The following SLC27A1 variants were observed in gnomAD, a reference collection of about 807,000 sequenced individuals.
The protein encoded by SLC27A1 is long-chain fatty acid transport protein 1.
SLC27A1 carries 61 observed loss-of-function variants against 62.2 expected under a neutral mutation model. The observed-to-expected ratio is 0.98, with a 90% confidence interval of 0.80 to 1.21. The LOEUF is 1.21. Among genes scored for constraint, SLC27A1 ranks in the 50% most tolerant of loss-of-function variants. The probability of loss-of-function intolerance (pLI) is 0.00; values close to 1 mark genes in which losing one functional copy is unlikely to be tolerated. For synonymous variants in SLC27A1, 435 were observed against 408.6 expected (o/e 1.06, Z -0.78); for missense variants, 903 against 932.1 (o/e 0.97, Z 0.41).
chr19:17,504,336 A>G, intron 11 of SLC27A1, 119 bp from the exon 12 acceptor site: 2 of 1,289,332 alleles, frequency 1.6e-6, no homozygotes, highest in Non-Finnish European at 2.2e-6. Context: ...AATGGGGAAG[A>G]ACATTCCTGC....
At chr19:17,503,313 T>G (rs998156908) in intron 11 of SLC27A1, 6 of 152,216 alleles carry the variant, frequency 3.9e-5, no homozygotes, top group Admixed American at 3.9e-4. Context: ...GGCAAACTTT[T>G]TCTTAAAGGA....
intron 6 of SLC27A1, among the ~76,000 whole-genome samples, chr19:17,491,379 TC>T (rs1340417637): frequency 6.6e-6 from 1 of 152,074 alleles, no homozygotes; most frequent in African/African-American, 2.4e-5. Flanking sequence ...ATTTGCCTGT[TC>T]TGGACATTTC....
chr19:17,484,759 A>G (rs2075212159), intron 1 of SLC27A1, among the ~76,000 whole-genome samples: 3 of 152,202 alleles, frequency 2.0e-5, no homozygotes, highest in Admixed American at 2.0e-4. Flanking sequence ...TGAATGACCG[A>G]GAGGATGAAT....
At position 17,500,645 on chromosome 19, in the gene SLC27A1, C is replaced by T. The variant is rs758534249; in HGVS notation, c.1471+13C>T. ...GCCTACCTCTCAGGTGCGCAGCCTG[C>T]TAGGCCCCGGTGACTGGCTGTGCGG... On this transcript the variant is annotated intron_variant, in intron 9 of 11. Transcript: ENST00000252595. 3 of 1,613,766 alleles carry T rather than the reference C, an allele frequency of 1.9e-6. No homozygotes were observed. In the African/African-American group the frequency reaches 4.0e-5, roughly 22 times the overall value.
At chr19:17,472,664 C>T (rs1489244458) in intron 1 of SLC27A1, among the ~76,000 whole-genome samples, 2 of 151,734 alleles carry the variant, frequency 1.3e-5, no homozygotes, top group African/African-American at 4.8e-5. Context: ...GTAGCTGGGA[C>T]TACAGGCACG....
chr19:17,497,533 G>T, intron 7 of SLC27A1, 69 bp downstream of exon 7: 1 of 1,402,458 alleles, frequency 7.1e-7, no homozygotes. Context: ...TCTTCCTGGG[G>T]CCCCTGGGAT....
At chr19:17,497,529 TG>T in intron 7 of SLC27A1, 65 bp downstream of exon 7, 1 of 1,400,444 alleles carries the variant, frequency 7.1e-7, no homozygotes, top group Non-Finnish European at 9.8e-7. Context: ...CTCCTCTTCC[TG>T]GGGCCCCTGG....
chr19:17,489,000 C>A lies in SLC27A1; in HGVS notation c.887-8C>A. On this transcript the variant is annotated splice_region_variant and splice_polypyrimidine_tract_variant and intron_variant, in intron 5 of 11. Coordinates refer to ENST00000252595, the MANE Select transcript of SLC27A1 (RefSeq NM_198580.3). Reference sequence around the variant, plus strand: ...CGGGGGACCCCTTACCAAGGCCACCCTCTGCAGGAAACATCATCGGCGTGG... The same window carrying A: ...CGGGGGACCCCTTACCAAGGCCACCATCTGCAGGAAACATCATCGGCGTGG... 2 of 1,614,062 alleles carry A rather than the reference C, an allele frequency of 1.2e-6. No individual in the cohort carries two copies. The highest frequency in any genetic ancestry group is 2.7e-5 in the African/African-American group (2 of 75,018).
At chr19:17,480,744 G>T (rs1415203016) in intron 1 of SLC27A1, among the ~76,000 whole-genome samples, 1 of 151,748 alleles carries the variant, frequency 6.6e-6, no homozygotes, top group East Asian at 1.9e-4. Context: ...TTGGTATATT[G>T]TATGATGCTG....
intron 6 of SLC27A1, among the ~76,000 whole-genome samples, chr19:17,492,675 C>T (rs1416324746): frequency 2.0e-5 from 3 of 149,802 alleles, no homozygotes; most frequent in South Asian, 4.2e-4. Context: ...CAGTGTCTTA[C>T]GCCTGTAATC....
chr19:17,486,587 G>A lies in SLC27A1; in HGVS notation c.192G>A (p.Val64=). 1.3e-6 allele frequency: 2 copies of A among 1,592,490 alleles called. No individual in the cohort carries two copies. Among genetic ancestry groups the A allele is most frequent in the Non-Finnish European group, 1.7e-6 (2 of 1,176,610 alleles). Residue 64 remains valine, a synonymous_variant, in exon 2 of 12, where the codon GTG becomes GTA. Coordinates refer to ENST00000252595, the MANE Select transcript of SLC27A1 (RefSeq NM_198580.3). This position sits in a 1 kb window ranked among gnomAD's most constrained non-coding sequence, Gnocchi z 6.6. ...DLFGLSVLIR[V]RLELRRHQRA... ...GCGGTCTCTCTGTGCTGATCCGCGT[G>A]CGCCTGGAGCTGCGGCGGCACCAGC...
intron 1 of SLC27A1, among the ~76,000 whole-genome samples, chr19:17,472,915 C>T (rs112694020): frequency 2.6e-5 from 4 of 152,258 alleles, no homozygotes; most frequent in African/African-American, 9.6e-5. Context: ...CCACCTCAGC[C>T]TCCTGACTAG....
intron 6 of SLC27A1, among the ~76,000 whole-genome samples, chr19:17,490,444 G>A (rs537888075): frequency 5.3e-5 from 8 of 151,690 alleles, no homozygotes; most frequent in Non-Finnish European, 8.8e-5. Flanking sequence ...ATGAGCCACT[G>A]TACCCAGCCC....
chr19:17,500,843 A>C lies in SLC27A1; in HGVS notation c.1603A>C (p.Thr535Pro). 6.2e-7 allele frequency: 1 copy of C among 1,610,888 alleles called. No homozygotes were observed. The highest frequency in any genetic ancestry group is 8.5e-7 in the Non-Finnish European group (1 of 1,179,046). The change falls in exon 10 of 12, where the codon ACA becomes CCA. Residue 535 changes from threonine (T) to proline (P), a missense_variant. By Grantham distance (38) the Thr-to-Pro change is conservative (BLOSUM62 -1). Transcript: ENST00000252595. ...CGTGCTGAGCCGCCTGCTGGGCCAG[A>C]CAGACGTGGCCGTCTATGGGGTGGC... is the stretch of plus-strand genomic sequence containing the variant. ...EGVLSRLLGQTDVAVYGVAVP... is the reference protein window; with the variant it reads ...EGVLSRLLGQPDVAVYGVAVP...
chr19:17,501,019 G>A (rs902122063), intron 10 of SLC27A1, 143 bp downstream of exon 10: 3 of 1,113,288 alleles, frequency 2.7e-6, no homozygotes, highest in Non-Finnish European at 3.7e-6. Context: ...ACTGGATCTG[G>A]AGCCAGTTCA....
At position 17,504,588 on chromosome 19, in the gene SLC27A1, C is replaced by T; in HGVS notation, c.1917C>T (p.Ile639=). ...LPLNEAVYTR[I]CSGAFAL ...TAAATGAGGCAGTCTACACTCGCAT[C>T]TGCTCGGGCGCCTTCGCCCTCTGAA... Residue 639 remains isoleucine (I), a synonymous_variant, in exon 12 of 12, where the codon ATC becomes ATT. Coordinates refer to ENST00000252595, the MANE Select transcript of SLC27A1 (RefSeq NM_198580.3). The T allele has an allele frequency of 2.5e-6, 4 of 1,614,192 alleles. No homozygotes were observed. Among genetic ancestry groups the T allele is most frequent in the Non-Finnish European group, 2.5e-6 (3 of 1,180,048 alleles).
At chr19:17,492,266 G>A (rs1289952241) in intron 6 of SLC27A1, 1 of 152,164 alleles carries the variant, frequency 6.6e-6, no homozygotes, top group Non-Finnish European at 1.5e-5. Flanking sequence ...TTCCTTATGG[G>A]TGGTGTGGTG....
At position 17,489,033 on chromosome 19, in the gene SLC27A1, T is replaced by G; in HGVS notation, c.912T>G (p.Cys304Trp). 1 of 1,613,986 alleles carries G rather than the reference T, an allele frequency of 6.2e-7. No homozygotes were observed. Among genetic ancestry groups the G allele is most frequent in the Non-Finnish European group, 8.5e-7 (1 of 1,179,982 alleles). Residue 304 changes from cysteine (C) to tryptophan (W), a missense_variant, in exon 6 of 12, where the codon TGT (cysteine) becomes TGG (tryptophan). Coordinates refer to ENST00000252595, the MANE Select transcript of SLC27A1 (RefSeq NM_198580.3). ...SAGNIIGVGQ[C>W]LIYGLTVVLR... ...GAAACATCATCGGCGTGGGGCAGTG[T>G]CTCATCTATGGGCTGACAGTCGTCC...
chr19:17,483,819 C>T (rs1414377628), intron 1 of SLC27A1: 1 of 152,940 alleles, frequency 6.5e-6, no homozygotes, highest in African/African-American at 2.4e-5. Context: ...TGTTCCCACC[C>T]CAGGGCCTTT....
Sources: allele counts gnomAD v4.1 joint callset (sites outside exome capture counted in the v4.1 genomes callset), GRCh38; gene constraint gnomAD v4.1.1; non-coding constraint Gnocchi (gnomAD v3.1); transcripts MANE v1.5; gene names NCBI Gene and HGNC (gene_info 2026-07-23, HGNC 2026-07-21).